TENM3: variants seen among roughly 807,000 people sequenced by gnomAD.
The protein encoded by TENM3 is teneurin-3.
A neutral mutation model predicts 255.1 loss-of-function variants in TENM3; 63 were observed. The ratio of observed to expected loss-of-function variants is 0.25; its 90% CI spans 0.20 to 0.30. The LOEUF (loss-of-function observed/expected upper bound fraction) is 0.30, where lower values mean the gene tolerates loss of function less well. TENM3 is among the 10% of genes least tolerant of loss of function. The pLI is 1.00. For missense variants in TENM3, 2,929 were observed against 3,461.1 expected (o/e 0.85, Z 3.86); for synonymous variants, 1,306 against 1,322.3 (o/e 0.99, Z 0.27).
the TENM3 span, among the ~76,000 whole-genome samples, chr4:181,723,003 A>G: frequency 6.6e-6 from 1 of 152,036 alleles, no homozygotes; most frequent in Non-Finnish European, 1.5e-5. Flanking sequence ...TGAGCTCACT[A>G]TGGCCTACCT....
chr4:182,082,229 G>T, the TENM3 span, among the ~76,000 whole-genome samples: 1 of 152,224 alleles, frequency 6.6e-6, no homozygotes, highest in South Asian at 2.1e-4. Context: ...TTGTTCGTAG[G>T]TGGCACCTTC....
chr4:182,509,901 C>T (rs950720933), intron 3 of TENM3, among the ~76,000 whole-genome samples: 4 of 140,408 alleles, frequency 2.8e-5, no homozygotes, highest in African/African-American at 1.1e-4. Context: ...TGCGCCATTG[C>T]ACTCCAACCT....
chr4:182,194,492 T>G (rs1445039580), intron 1 of TENM3, among the ~76,000 whole-genome samples: 3 of 152,174 alleles, frequency 2.0e-5, no homozygotes, highest in African/African-American at 7.2e-5. Flanking sequence ...ACCTATAGCT[T>G]CTTCCACGAC....
At chr4:182,145,913 C>A (rs2149556396) in intron 1 of TENM3, among the ~76,000 whole-genome samples, 1 of 152,314 alleles carries the variant, frequency 6.6e-6, no homozygotes, top group South Asian at 2.1e-4. Flanking sequence ...GAGGCATTAC[C>A]TTTCCCTTCT....
chr4:182,416,468 G>A (rs1580464258), intron 3 of TENM3, among the ~76,000 whole-genome samples: 2 of 149,448 alleles, frequency 1.3e-5, no homozygotes, highest in South Asian at 2.1e-4. Flanking sequence ...ACCTTTAAAA[G>A]TTCTTTGAGT....
At chr4:182,029,525 C>G in the TENM3 span, among the ~76,000 whole-genome samples, 1 of 152,128 alleles carries the variant, frequency 6.6e-6, no homozygotes, top group East Asian at 1.9e-4. Flanking sequence ...ACGTTGGGTG[C>G]ATATATATTT....
intron 1 of TENM3, among the ~76,000 whole-genome samples, chr4:182,234,048 G>A (rs1282044529): frequency 6.6e-6 from 1 of 152,196 alleles, no homozygotes; most frequent in Non-Finnish European, 1.5e-5. Context: ...GTAGCCATAG[G>A]AGCAGAGCTG....
chr4:182,215,297 A>T (rs1212429566), intron 1 of TENM3, among the ~76,000 whole-genome samples: 1 of 152,210 alleles, frequency 6.6e-6, no homozygotes, highest in Non-Finnish European at 1.5e-5. Flanking sequence ...TGAAAAAAAG[A>T]AAAGATGACG....
chr4:182,706,163 T>C (rs1036652038), intron 12 of TENM3, among the ~76,000 whole-genome samples: 25 of 152,214 alleles, frequency 1.6e-4, no homozygotes, highest in African/African-American at 6.0e-4. Flanking sequence ...TACACAGTTC[T>C]GGTTCTTCTG....
chr4:182,234,224 A>G (rs1756754283), intron 1 of TENM3, among the ~76,000 whole-genome samples: 1 of 152,110 alleles, frequency 6.6e-6, no homozygotes, highest in Non-Finnish European at 1.5e-5. Flanking sequence ...CAGGCTTACT[A>G]TCCACAAAAG....
In TENM3 at chr4:182,244,080, A is replaced by C. The variant is rs368302493; in HGVS notation, c.-76+604A>C. 1.5e-4 allele frequency among the ~76,000 whole-genome samples: 22 copies of C among 149,288 alleles called. 1 individual carries two copies. Among genetic ancestry groups the C allele is most frequent in the East Asian group, 6.0e-4 (3 of 5,030 alleles). ...GCCATTCTCCTGCCTCAGCCTCCCGAGTAGCTGGGACTACAGGCGCCCGCC... is the reference window on the plus strand; with the variant it reads ...GCCATTCTCCTGCCTCAGCCTCCCGCGTAGCTGGGACTACAGGCGCCCGCC... On this transcript the variant is annotated intron_variant, in intron 1 of 27. Transcript: ENST00000511685.
intron 1 of TENM3, among the ~76,000 whole-genome samples, chr4:182,296,338 C>T (rs948875904): frequency 6.6e-6 from 1 of 152,312 alleles, no homozygotes. Flanking sequence ...CTTTTAGGAT[C>T]TCTGATCAAA....
intron 3 of TENM3, among the ~76,000 whole-genome samples, chr4:182,429,210 C>T (rs1771450473): frequency 6.6e-6 from 1 of 152,108 alleles, no homozygotes; most frequent in Non-Finnish European, 1.5e-5. Flanking sequence ...GAAATAATGA[C>T]ATTATTGAAT....
At chr4:181,456,125 ATATGTG>A in the TENM3 span, among the ~76,000 whole-genome samples, 2 of 62,328 alleles carry the variant, frequency 3.2e-5, no homozygotes, top group Middle Eastern at 0.012. Context: ...ATATATATAT[ATATGTG>A]TGTGTGTGTG....
At chr4:182,449,467 A>AT (rs11308423) in intron 3 of TENM3, among the ~76,000 whole-genome samples, 10 of 151,512 alleles carry the variant, frequency 6.6e-5, no homozygotes, top group African/African-American at 2.4e-4. Flanking sequence ...AATTAGATGG[A>AT]TTTTTTTTTT....
the TENM3 span, among the ~76,000 whole-genome samples, chr4:181,671,766 A>G: frequency 0.015 from 2,289 of 150,350 alleles, 66 homozygotes; most frequent in African/African-American, 0.054. Flanking sequence ...TTATCTTTGC[A>G]TTTCCTGCCA....
At chr4:182,174,893 C>G (rs1561167631) in intron 1 of TENM3, among the ~76,000 whole-genome samples, 1 of 151,688 alleles carries the variant, frequency 6.6e-6, no homozygotes, top group Non-Finnish European at 1.5e-5. Context: ...TTTTTAATTC[C>G]TTTTTTAAAG....
chr4:182,235,685 G>A (rs1024713973), intron 1 of TENM3, among the ~76,000 whole-genome samples: 2 of 152,112 alleles, frequency 1.3e-5, no homozygotes, highest in African/African-American at 2.4e-5. Context: ...TCTCTCACAA[G>A]CTGGAACTAC....
chr4:182,609,476 G>T (rs1372029837), intron 4 of TENM3, among the ~76,000 whole-genome samples: 1 of 152,130 alleles, frequency 6.6e-6, no homozygotes, highest in Non-Finnish European at 1.5e-5. Flanking sequence ...TATACCATAA[G>T]ATTAAATTCT....
Sources: allele counts gnomAD v4.1 joint callset (sites outside exome capture counted in the v4.1 genomes callset), GRCh38; gene constraint gnomAD v4.1.1; transcripts MANE v1.5; gene names NCBI Gene and HGNC (gene_info 2026-07-23, HGNC 2026-07-21).